Variants in IL3RA observed in about 807,000 individuals in gnomAD.
IL3RA encodes interleukin 3 receptor subunit alpha.
Under a neutral mutation model 52.3 loss-of-function variants are expected in IL3RA, and 73 were observed. That is an observed-to-expected ratio of 1.40 (90% CI 1.16 to 1.70). The LOEUF is 1.70. IL3RA is among the 40% of genes most tolerant of loss of function. The pLI is 0.00. For synonymous variants in IL3RA, 260 were observed against 194.0 expected (o/e 1.34, Z -2.83); for missense variants, 664 against 504.4 (o/e 1.32, Z -3.03).
At position 1,356,336 on chromosome X, in the gene IL3RA, G is replaced by T. The variant is rs765810245; in HGVS notation, c.732G>T (p.Lys244Asn). 1 of 1,604,566 alleles carries T rather than the reference G, an allele frequency of 6.2e-7. No individual in the cohort carries two copies. The highest frequency in any genetic ancestry group is 1.1e-5 in the South Asian group (1 of 90,846). ...RKFRYELQIQKRMQPVITEQV... is the reference protein window; with the variant it reads ...RKFRYELQIQNRMQPVITEQV... ...TTCGCTATGAGCTTCAGATACAAAA[G>T]GTAAACTTTCACCCCGCCCCCAGCC... The change falls in exon 7 of 12, where the codon AAG (lysine) becomes AAT (asparagine). Residue 244 changes from lysine to asparagine, a missense_variant and splice_region_variant. Coordinates refer to ENST00000331035, the MANE Select transcript of IL3RA (RefSeq NM_002183.4).
In IL3RA at chrX:1,348,666, CTTTCTTTCTTTCTTTCTTTCTTTCTTTT is replaced by C. The variant is rs1365269740; in HGVS notation, c.298+123_298+150del. 5.5e-5 allele frequency: 25 copies of C among 451,406 alleles called. No homozygotes were observed. The East Asian group carries it at 5.7e-4, about 10-fold the overall frequency. The allele number at this position is 451,406 out of a possible 1,614,324, so 28.0% of individuals were successfully genotyped here. ...TTTCTCTTTCTTTCTTTCTTTCTTT[CTTTCTTTCTTTCTTTCTTTCTTTCTTTT>C]TCTTTCTTTCTGTTTCTGTTTCTTT... On this transcript the variant is annotated intron_variant, in intron 4 of 11. Transcript: ENST00000331035.
intron 2 of IL3RA, among the ~76,000 whole-genome samples, chrX:1,342,761 G>A (rs1180864297): frequency 3.4e-5 from 5 of 147,394 alleles, no homozygotes; most frequent in African/African-American, 1.2e-4. Flanking sequence ...GGGTTTCACC[G>A]TGTTAGACAG....
At chrX:1,339,207 T>C (rs1249200207) in intron 1 of IL3RA, among the ~76,000 whole-genome samples, 1 of 152,170 alleles carries the variant, frequency 6.6e-6, no homozygotes, top group Non-Finnish European at 1.5e-5. Flanking sequence ...GGCATCTTCC[T>C]GGACCACAGC....
intron 4 of IL3RA, among the ~76,000 whole-genome samples, chrX:1,348,754 CCT>C (rs763185346): frequency 0.06 from 8,098 of 135,218 alleles, 431 homozygotes; most frequent in Middle Eastern, 0.15. Flanking sequence ...TTCCTTCTTT[CCT>C]CTCTTTCTTT....
At chrX:1,359,441 C>T (rs1324175539) in intron 8 of IL3RA, among the ~76,000 whole-genome samples, 1 of 152,068 alleles carries the variant, frequency 6.6e-6, no homozygotes, top group East Asian at 1.9e-4. Flanking sequence ...ATCTCTTTCT[C>T]TGTCTCTGAA....
At position 1,362,082 on chromosome X, in the gene IL3RA, CTCTG is replaced by C. The variant is rs778596156; in HGVS notation, c.760-3052_760-3049del. Among the ~76,000 whole-genome samples the C allele has an allele frequency of 2.8e-3, 426 of 151,762 alleles. 1 individual carries two copies. The highest frequency in any genetic ancestry group is 0.01 in the African/African-American group (415 of 41,362). ...TCTCTCTCTCTGTCTCCGTTTCTAT[CTCTG>C]TCTCTCTCTGTCCATCACCCACTCT... On this transcript the variant is annotated intron_variant, in intron 8 of 11. Coordinates refer to ENST00000331035, the MANE Select transcript of IL3RA (RefSeq NM_002183.4).
chrX:1,378,314 C>T (rs2088940499), intron 9 of IL3RA, among the ~76,000 whole-genome samples: 1 of 152,208 alleles, frequency 6.6e-6, no homozygotes, highest in African/African-American at 2.4e-5. Context: ...TGCCCACACC[C>T]AAAGCACCTG....
chrX:1,348,269 C>T (rs1374405146), intron 3 of IL3RA, among the ~76,000 whole-genome samples, 162 bp from the exon 4 acceptor site: 1 of 151,638 alleles, frequency 6.6e-6, no homozygotes, highest in Non-Finnish European at 1.5e-5. Flanking sequence ...AGGAGAATGG[C>T]TTGAACCCGG....
intron 10 of IL3RA, among the ~76,000 whole-genome samples, chrX:1,380,591 GGGGGAGGAGGAGA>G (rs1487183834): frequency 9.3e-5 from 2 of 21,414 alleles, no homozygotes; most frequent in Non-Finnish European, 1.6e-4. Context: ...GGAGGGGGAA[GGGGGAGGAGGAGA>G]GGGGAGGATG....
intron 6 of IL3RA, among the ~76,000 whole-genome samples, chrX:1,354,598 G>A (rs2086483491): frequency 8.4e-6 from 1 of 119,354 alleles, no homozygotes; most frequent in African/African-American, 3.3e-5. Context: ...GAAAGAGGAG[G>A]GGGAGGAGGA....
At chrX:1,367,665 C>G (rs1191554576) in intron 9 of IL3RA, among the ~76,000 whole-genome samples, 21 of 38,642 alleles carry the variant, frequency 5.4e-4, no homozygotes, top group African/African-American at 6.4e-4. Flanking sequence ...CGGGGTGAGC[C>G]GGGTGCGCGG....
intron 7 of IL3RA, among the ~76,000 whole-genome samples, chrX:1,358,312 T>C (rs1295594605): frequency 6.6e-6 from 1 of 151,838 alleles, no homozygotes; most frequent in Non-Finnish European, 1.5e-5. Context: ...GTCTTGTTTG[T>C]CCACCGGCCT....
In IL3RA at chrX:1,352,463, C is replaced by T. The variant is rs1432716249; in HGVS notation, c.573C>T (p.Phe191=). The T allele has an allele frequency of 1.1e-5, 17 of 1,613,718 alleles. No individual in the cohort carries two copies. In the East Asian group the frequency reaches 1.3e-4, roughly 13 times the overall value. Residue 191 remains phenylalanine (F), a synonymous_variant, in exon 6 of 12, where the codon TTC becomes TTT. Coordinates refer to ENST00000331035, the MANE Select transcript of IL3RA (RefSeq NM_002183.4). ...HILVRGRSAA[F]GIPCTDKFVV... ...TGGTGCGGGGCAGGAGCGCAGCCTT[C>T]GGTATCCCCTGCACAGATAAGTTTG...
intron 9 of IL3RA, among the ~76,000 whole-genome samples, chrX:1,368,131 C>T (rs1349935534): frequency 2.6e-5 from 4 of 152,042 alleles, no homozygotes; most frequent in African/African-American, 4.8e-5. Flanking sequence ...TGGTGATGGG[C>T]GCCTGTAGTC....
At chrX:1,362,114 CTCTT>C (rs1216741256) in intron 8 of IL3RA, among the ~76,000 whole-genome samples, 1 of 150,050 alleles carries the variant, frequency 6.7e-6, no homozygotes, top group African/African-American at 2.4e-5. Flanking sequence ...CCCACTCTGT[CTCTT>C]TGTCTCTCTA....
chrX:1,381,083 C>T lies in IL3RA; in HGVS notation c.1041C>T (p.Asp347=). The T allele has an allele frequency of 1.9e-6, 3 of 1,613,890 alleles. No homozygotes were observed. Among genetic ancestry groups the T allele is most frequent in the Non-Finnish European group, 2.5e-6 (3 of 1,179,814 alleles). Reference sequence around the variant, plus strand: ...CTCACATGAAAGACCCCATCGGTGACAGCTTCCAAAACGACAAGCTGGTAT... The same window carrying T: ...CTCACATGAAAGACCCCATCGGTGATAGCTTCCAAAACGACAAGCTGGTAT... The part of the protein sequence containing the change: ...RIPHMKDPIG[D]SFQNDKLVVW... The change falls in exon 11 of 12, where the codon GAC becomes GAT. Residue 347 remains aspartate (D), a synonymous_variant. Coordinates refer to ENST00000331035, the MANE Select transcript of IL3RA (RefSeq NM_002183.4).
At chrX:1,344,149 C>T (rs2085622662) in intron 2 of IL3RA, among the ~76,000 whole-genome samples, 2 of 152,036 alleles carry the variant, frequency 1.3e-5, no homozygotes, top group African/African-American at 2.4e-5. Context: ...AACTCCACTT[C>T]CCAGCCAGGC....
At chrX:1,340,115 C>CTTTTCT (rs1459590476) in intron 1 of IL3RA, among the ~76,000 whole-genome samples, 76 of 127,196 alleles carry the variant, frequency 6.0e-4, no homozygotes, top group African/African-American at 2.1e-3. Flanking sequence ...CTTTTCTTTT[C>CTTTTCT]TTTTTTTTTT....
chrX:1,355,419 A>G (rs1261768614), intron 6 of IL3RA, among the ~76,000 whole-genome samples: 1 of 76,844 alleles, frequency 1.3e-5, no homozygotes, highest in Non-Finnish European at 2.5e-5. Context: ...GCGGAGGGGG[A>G]GGAGGGGAGG....
Sources: allele counts gnomAD v4.1 joint callset (sites outside exome capture counted in the v4.1 genomes callset), GRCh38; gene constraint gnomAD v4.1.1; transcripts MANE v1.5; gene names NCBI Gene and HGNC (gene_info 2026-07-23, HGNC 2026-07-21).